The following SH3RF3 variants were observed in gnomAD, a reference collection of about 807,000 sequenced individuals.
SH3RF3 encodes the protein SH3 domain containing ring finger 3.
Under a neutral mutation model 66.3 loss-of-function variants are expected in SH3RF3, and 29 were observed. The observed-to-expected ratio is 0.44, with a 90% CI of 0.33 to 0.60. SH3RF3 has a LOEUF of 0.60. SH3RF3 is among the 20% of genes least tolerant of loss of function. The pLI is 0.04. For synonymous variants in SH3RF3, 583 were observed against 532.0 expected (o/e 1.10, Z -1.32); for missense variants, 1,194 against 1,190.9 (o/e 1.00, Z -0.04).
chr2:109,228,153 C>G lies in SH3RF3; in HGVS notation c.573+98040C>G, dbSNP rs1679415312. ...TTTCATGCTGCAAATGATGTACTTG[C>G]AACGTTTGGCAAACATGGTGCTACT... On this transcript the variant is annotated intron_variant, in intron 1 of 9. Coordinates refer to ENST00000309415, the MANE Select transcript of SH3RF3 (RefSeq NM_001099289.3). Among the ~76,000 whole-genome samples the G allele has an allele frequency of 2.0e-5, 3 of 152,134 alleles. No individual in the cohort carries two copies. In the South Asian group the frequency reaches 6.2e-4, roughly 31 times the overall value.
At chr2:109,339,280 TG>T (rs369797072) in intron 1 of SH3RF3, among the ~76,000 whole-genome samples, 1 of 103,460 alleles carries the variant, frequency 9.7e-6, no homozygotes, top group African/African-American at 3.7e-5. Context: ...AGCTGTTTTT[TG>T]GGGGGGTGGG....
intron 1 of SH3RF3, among the ~76,000 whole-genome samples, chr2:109,164,958 A>G (rs892745434): frequency 6.6e-6 from 1 of 152,176 alleles, no homozygotes; most frequent in African/African-American, 2.4e-5. Flanking sequence ...GGAGGTCGTA[A>G]TTGTTTTTCT....
intron 1 of SH3RF3, among the ~76,000 whole-genome samples, chr2:109,250,790 T>C (rs896451817): frequency 6.6e-6 from 1 of 151,910 alleles, no homozygotes; most frequent in Non-Finnish European, 1.5e-5. Context: ...AGTGCTTCAA[T>C]AGGGAATTAG....
rs537909088 is a variant in SH3RF3 at position 109,445,695 on chromosome 2, G to A, written c.1829-3475G>A. On this transcript the variant is annotated intron_variant, in intron 7 of 9. Coordinates refer to ENST00000309415, the MANE Select transcript of SH3RF3 (RefSeq NM_001099289.3). Reference sequence around the variant, plus strand: ...AGGTATCAAGGATGTGGGTGAAGGCGTTGACCTGGTGGGACCCAGAGTCCT... The same window carrying A: ...AGGTATCAAGGATGTGGGTGAAGGCATTGACCTGGTGGGACCCAGAGTCCT... Among the ~76,000 whole-genome samples the A allele has an allele frequency of 1.8e-4, 28 of 152,138 alleles. 1 individual carries two copies. The highest frequency in any genetic ancestry group is 9.2e-4 in the Admixed American group (14 of 15,282).
chr2:109,463,999 C>T (rs1678272660), intron 8 of SH3RF3, among the ~76,000 whole-genome samples: 1 of 152,138 alleles, frequency 6.6e-6, no homozygotes. Context: ...GACCCTCGCT[C>T]GGGAGGGTCC....
intron 1 of SH3RF3, among the ~76,000 whole-genome samples, chr2:109,248,700 T>C (rs1679979618): frequency 6.6e-6 from 1 of 152,184 alleles, no homozygotes; most frequent in South Asian, 2.1e-4. Context: ...ATTTCTTTCC[T>C]TTCCTTCTTT....
intron 5 of SH3RF3, among the ~76,000 whole-genome samples, chr2:109,427,744 C>A (rs1222996504): frequency 6.6e-6 from 1 of 152,244 alleles, no homozygotes; most frequent in African/African-American, 2.4e-5. Context: ...CCCATCTCAA[C>A]CCGCGTAACT....
At chr2:109,178,742 C>T (rs916552110) in intron 1 of SH3RF3, among the ~76,000 whole-genome samples, 2 of 152,098 alleles carry the variant, frequency 1.3e-5, no homozygotes, top group African/African-American at 2.4e-5. Flanking sequence ...ATTGGTGTGT[C>T]GTGTAGTTCT....
chr2:109,497,995 G>A (rs1278133113), intron 9 of SH3RF3, among the ~76,000 whole-genome samples: 2 of 152,214 alleles, frequency 1.3e-5, no homozygotes, highest in East Asian at 1.9e-4. Flanking sequence ...CGCTGATCCT[G>A]TGGGCCCTCG....
intron 1 of SH3RF3, among the ~76,000 whole-genome samples, chr2:109,316,845 G>A (rs1172209960): frequency 6.6e-6 from 1 of 152,182 alleles, no homozygotes; most frequent in African/African-American, 2.4e-5. Context: ...GTGGGTCTTT[G>A]TACTGTCGCT....
At chr2:109,140,845 A>G (rs1028855756) in intron 1 of SH3RF3, among the ~76,000 whole-genome samples, 2 of 152,166 alleles carry the variant, frequency 1.3e-5, no homozygotes, top group Non-Finnish European at 2.9e-5. Flanking sequence ...TTAGACTATC[A>G]ACACCTACAC....
At chr2:109,388,870 G>A (rs562158557) in intron 3 of SH3RF3, among the ~76,000 whole-genome samples, 34 of 152,274 alleles carry the variant, frequency 2.2e-4, no homozygotes, top group African/African-American at 8.2e-4. Context: ...GAGGGAAGGA[G>A]GAAATGCTTG....
At chr2:109,353,986 C>G (rs767791687) in intron 2 of SH3RF3, among the ~76,000 whole-genome samples, 1 of 152,122 alleles carries the variant, frequency 6.6e-6, no homozygotes, top group Admixed American at 6.5e-5. Context: ...TCAGAGCCCC[C>G]CGAAGTCTCA....
intron 1 of SH3RF3, among the ~76,000 whole-genome samples, chr2:109,191,593 T>C (rs1040334218): frequency 1.3e-5 from 2 of 152,048 alleles, no homozygotes; most frequent in African/African-American, 4.8e-5. Flanking sequence ...GGGCAGGCAT[T>C]TCCCACCCTT....
At chr2:109,394,220 T>A (rs1676080886) in intron 3 of SH3RF3, among the ~76,000 whole-genome samples, 1 of 152,214 alleles carries the variant, frequency 6.6e-6, no homozygotes, top group South Asian at 2.1e-4. Flanking sequence ...ACATCTAACC[T>A]AAGAAAGCTG....
intron 1 of SH3RF3, among the ~76,000 whole-genome samples, chr2:109,266,037 C>T (rs559846333): frequency 4.3e-4 from 65 of 151,700 alleles, no homozygotes; most frequent in Non-Finnish European, 7.1e-4. Flanking sequence ...TATGTGTATT[C>T]GGTGTGTTGT....
intron 1 of SH3RF3, among the ~76,000 whole-genome samples, chr2:109,302,756 C>T (rs1330202726): frequency 6.6e-6 from 1 of 152,072 alleles, no homozygotes; most frequent in Non-Finnish European, 1.5e-5. Context: ...TCAGACACGA[C>T]ATTTCACCTG....
At chr2:109,258,796 G>C (rs1365269462) in intron 1 of SH3RF3, among the ~76,000 whole-genome samples, 1 of 152,238 alleles carries the variant, frequency 6.6e-6, no homozygotes, top group Non-Finnish European at 1.5e-5. Context: ...AATAGGGGTA[G>C]GGTCTTGCCA....
intron 8 of SH3RF3, among the ~76,000 whole-genome samples, chr2:109,459,562 C>T (rs367926032): frequency 5.1e-4 from 78 of 152,222 alleles, no homozygotes; most frequent in African/African-American, 1.8e-3. Context: ...CTCCTGTATC[C>T]CAGACATGCT....
Sources: allele counts gnomAD v4.1 joint callset (sites outside exome capture counted in the v4.1 genomes callset), GRCh38; gene constraint gnomAD v4.1.1; transcripts MANE v1.5; gene names NCBI Gene and HGNC (gene_info 2026-07-23, HGNC 2026-07-21).